Variants in CAPN5 observed in about 807,000 individuals in gnomAD.
CAPN5 encodes the protein calpain 5.
Under a neutral mutation model 73.0 loss-of-function variants are expected in CAPN5, and 54 were observed. The observed-to-expected ratio is 0.74, with a 90% confidence interval of 0.59 to 0.93. The LOEUF (loss-of-function observed/expected upper bound fraction) is 0.93. Ranked by LOEUF, CAPN5 falls within the 40% of genes least tolerant of loss-of-function variation. CAPN5 has a pLI of 0.00. For synonymous variants in CAPN5, 335 were observed against 356.9 expected, an observed-to-expected ratio of 0.94 and a Z score of 0.69; for missense variants, 785 against 882.9, an observed-to-expected ratio of 0.89 and a Z score of 1.41.
chr11:77,099,971 G>T (rs928255615), intron 3 of CAPN5, among the ~76,000 whole-genome samples: 2 of 152,156 alleles, frequency 1.3e-5, no homozygotes, highest in South Asian at 2.1e-4. Context: ...TGAGTAGCTG[G>T]GATTACAGGC....
intron 1 of CAPN5, among the ~76,000 whole-genome samples, chr11:77,067,611 C>G (rs554913023): frequency 7.5e-6 from 1 of 133,664 alleles, no homozygotes; most frequent in African/African-American, 3.0e-5. Context: ...GGCTTTTCTC[C>G]TTGACTGCAG....
chr11:77,110,617 T>A (rs1950402368), intron 3 of CAPN5, among the ~76,000 whole-genome samples: 1 of 152,226 alleles, frequency 6.6e-6, no homozygotes, highest in African/African-American at 2.4e-5. Context: ...CAAAAGCCTG[T>A]CCTGAGGCTC....
chr11:77,107,091 GTCTCCGGTGGAGAGCAGCAGGGCTCTGC>G (rs1214549890), intron 3 of CAPN5, among the ~76,000 whole-genome samples: 1 of 152,208 alleles, frequency 6.6e-6, no homozygotes, highest in African/African-American at 2.4e-5. Context: ...CGACACCCTG[GTCTCCGGTGGAGAGCAGCAGGGCTCTGC>G]TCTCCCAAGA....
At chr11:77,071,760 C>T (rs1193047328) in intron 1 of CAPN5, 5 of 408,646 alleles carry the variant, frequency 1.2e-5, no homozygotes, top group Admixed American at 2.4e-5. Flanking sequence ...GGAGCAGGCG[C>T]TGGCATTCTG....
chr11:77,072,676 G>C (rs1555033256), intron 1 of CAPN5, among the ~76,000 whole-genome samples: 1 of 152,222 alleles, frequency 6.6e-6, no homozygotes, highest in African/African-American at 2.4e-5. Flanking sequence ...TTCTGAGGTT[G>C]TGCAGGAGCT....
At chr11:77,093,956 T>A in intron 3 of CAPN5, 143 bp downstream of exon 3, 1 of 1,174,988 alleles carries the variant, frequency 8.5e-7, no homozygotes, top group Non-Finnish European at 1.2e-6. Context: ...CCCCCAGTAC[T>A]GGCCGAGCGT....
intron 6 of CAPN5, 68 bp from the exon 7 acceptor site, chr11:77,116,158 C>A: frequency 6.8e-7 from 1 of 1,465,100 alleles, no homozygotes; most frequent in Non-Finnish European, 9.4e-7. Context: ...CTCGCCTTTG[C>A]CAGACAGATT....
chr11:77,108,606 C>T (rs1950377558), intron 3 of CAPN5, among the ~76,000 whole-genome samples: 2 of 152,072 alleles, frequency 1.3e-5, no homozygotes, highest in African/African-American at 4.8e-5. Context: ...TCCTCGCACC[C>T]ATCCCTTCAC....
chr11:77,098,776 G>A (rs1950246430), intron 3 of CAPN5, among the ~76,000 whole-genome samples: 1 of 85,996 alleles, frequency 1.2e-5, no homozygotes, highest in African/African-American at 5.4e-5. Flanking sequence ...CCGGGCGGGG[G>A]GGCTGACCCC....
At chr11:77,073,901 G>T (rs1949938373) in intron 1 of CAPN5, among the ~76,000 whole-genome samples, 1 of 152,146 alleles carries the variant, frequency 6.6e-6, no homozygotes, top group South Asian at 2.1e-4. Flanking sequence ...TAGGGGCTGG[G>T]AGCCTGAGGT....
In CAPN5 at chr11:77,123,763, G is replaced by A. The variant is rs1950547204; in HGVS notation, c.1816G>A (p.Ala606Thr). ...HLKADPDNLQ[A>T]LHTLHLRDRN... The stretch of plus-strand genomic sequence containing the variant: ...AAAGGCTGACCCGGACAACCTCCAG[G>A]CCCTGCATACCCTCCACCTCCGGGA... Residue 606 changes from alanine to threonine, a missense_variant, in exon 13 of 13, where the codon GCC becomes ACC. Coordinates refer to ENST00000648180, the MANE Select transcript of CAPN5 (RefSeq NM_004055.5). The A allele has an allele frequency of 6.2e-7, 1 of 1,613,718 alleles. No homozygotes were observed. Among genetic ancestry groups the A allele is most frequent in the Non-Finnish European group, 8.5e-7 (1 of 1,179,968 alleles).
Position 77,112,578 on chromosome 11 carries a change from C to G in CAPN5, c.298-11C>G, listed in dbSNP as rs782102182. 4.3e-6 allele frequency: 7 copies of G among 1,611,916 alleles called. No individual in the cohort carries two copies. The African/African-American group carries it at 6.7e-5, about 15-fold the overall frequency. ...GTGTTCCCCCATCCTATCCCCCCTC[C>G]CCCTACCCAGGTCATCCCAGACTGG... On this transcript the variant is annotated splice_polypyrimidine_tract_variant and intron_variant, in intron 3 of 12. Coordinates refer to ENST00000648180, the MANE Select transcript of CAPN5 (RefSeq NM_004055.5).
rs199977260 is a variant in CAPN5, at chr11:77,103,034, C to A, written c.297+9221C>A. The A allele has an allele frequency of 9.8e-4, 1,579 of 1,613,572 alleles. 2 individuals carry two copies. The highest frequency in any genetic ancestry group is 1.2e-3 in the Non-Finnish European group (1,457 of 1,179,886). On this transcript the variant is annotated intron_variant, in intron 3 of 12. Coordinates refer to ENST00000648180, the MANE Select transcript of CAPN5 (RefSeq NM_004055.5). Reference sequence around the variant, plus strand: ...TCACCCAGCAGCAGCGGCTACAGTTCGAGCGCTGGAATGTCGTGCTGGACA... The same window carrying A: ...TCACCCAGCAGCAGCGGCTACAGTTAGAGCGCTGGAATGTCGTGCTGGACA...
At chr11:77,110,013 C>T (rs1950395596) in intron 3 of CAPN5, among the ~76,000 whole-genome samples, 1 of 152,180 alleles carries the variant, frequency 6.6e-6, no homozygotes, top group African/African-American at 2.4e-5. Context: ...CAGCTTAGGA[C>T]TCCCTGTCAC....
Position 77,110,116 on chromosome 11 carries a change from T to C in CAPN5, c.298-2473T>C, listed in dbSNP as rs1555040545. On this transcript the variant is annotated intron_variant, in intron 3 of 12. Transcript: ENST00000648180. ...TAACCCTCACCTTGTATGGAACCGCTCTTTTTTTTTTTTTTGAGACAGAGT... is the reference window on the plus strand; with the variant it reads ...TAACCCTCACCTTGTATGGAACCGCCCTTTTTTTTTTTTTTGAGACAGAGT... 8.1e-4 allele frequency among the ~76,000 whole-genome samples: 116 copies of C among 143,366 alleles called. 2 individuals are homozygous for C. Among genetic ancestry groups the C allele is most frequent in the Non-Finnish European group, 1.9e-4 (12 of 64,700 alleles). 94.1% of individuals were successfully genotyped at this position (143,366 alleles called of 152,430 possible).
intron 9 of CAPN5, 187 bp from the exon 10 acceptor site, chr11:77,120,526 C>T: frequency 1.9e-6 from 1 of 516,236 alleles, no homozygotes; most frequent in Non-Finnish European, 3.4e-6. Flanking sequence ...CACCCATTCC[C>T]ATTGACCTCT....
chr11:77,086,855 G>A (rs370941279), intron 2 of CAPN5, among the ~76,000 whole-genome samples: 31 of 152,352 alleles, frequency 2.0e-4, no homozygotes, highest in South Asian at 1.2e-3. Flanking sequence ...AGGAGGAGAC[G>A]CCAGGTTGGC....
At chr11:77,095,489 T>C (rs781836962) in intron 3 of CAPN5, among the ~76,000 whole-genome samples, 52 of 152,326 alleles carry the variant, frequency 3.4e-4, no homozygotes, top group Non-Finnish European at 5.4e-4. Context: ...GCCCAACGTA[T>C]ATGTCCCTGC....
intron 1 of CAPN5, 59 bp from the exon 2 acceptor site, chr11:77,084,793 A>G (rs12362168): frequency 0.29 from 425,829 of 1,471,632 alleles, 65,814 homozygotes; most frequent in African/African-American, 0.52. Flanking sequence ...TCCGCTTCAC[A>G]GGGCACATCA....
Sources: gnomAD v4.1 joint callset for allele counts (sites outside exome capture counted in the v4.1 genomes callset) on GRCh38, gnomAD v4.1.1 for gene constraint, MANE v1.5 for transcripts, NCBI Gene and HGNC (gene_info 2026-07-23, HGNC 2026-07-21) for gene names.